INPP4B: variants seen among roughly 807,000 people sequenced by gnomAD.
INPP4B encodes the protein inositol polyphosphate 4-phosphatase type II.
INPP4B carries 55 observed loss-of-function variants against 122.5 expected under a neutral mutation model. That is an observed-to-expected ratio of 0.45 (90% CI 0.36 to 0.56). The LOEUF is 0.56. Among genes scored for constraint, INPP4B ranks in the 20% least tolerant of loss-of-function variants. The pLI is 0.00. For synonymous variants in INPP4B, 403 were observed against 388.7 expected (o/e 1.04, Z -0.43); for missense variants, 1,000 against 1,097.7 (o/e 0.91, Z 1.26).
intron 1 of INPP4B, among the ~76,000 whole-genome samples, chr4:142,818,409 G>GT (rs1215780717): frequency 6.6e-6 from 1 of 151,588 alleles, no homozygotes; most frequent in Non-Finnish European, 1.5e-5. Flanking sequence ...TCCAGGGCTT[G>GT]TTTTTTCTAC....
At chr4:142,131,119 T>C (rs2152787705) in intron 18 of INPP4B, among the ~76,000 whole-genome samples, 1 of 152,350 alleles carries the variant, frequency 6.6e-6, no homozygotes, top group Non-Finnish European at 1.5e-5. Context: ...CCACATTCAC[T>C]GGGCTTATTT....
chr4:142,146,769 C>T (rs1431447708), intron 17 of INPP4B, among the ~76,000 whole-genome samples: 1 of 152,070 alleles, frequency 6.6e-6, no homozygotes, highest in Non-Finnish European at 1.5e-5. Flanking sequence ...TACTTCTGAC[C>T]ATACTGTCTT....
intron 12 of INPP4B, among the ~76,000 whole-genome samples, chr4:142,209,791 TC>T (rs1844116987): frequency 2.9e-4 from 2 of 6,852 alleles, no homozygotes; most frequent in Non-Finnish European, 4.0e-4. Context: ...AGACCCCGTC[TC>T]AAAAAAAAAA....
At chr4:142,588,418 T>A (rs10017037) in intron 2 of INPP4B, among the ~76,000 whole-genome samples, 2,145 of 151,820 alleles carry the variant, frequency 0.014, 40 homozygotes, top group African/African-American at 0.041. Flanking sequence ...AAGAACTAAT[T>A]ACAAGAACAA....
At chr4:142,498,815 C>T (rs1421201985) in intron 2 of INPP4B, among the ~76,000 whole-genome samples, 3 of 151,648 alleles carry the variant, frequency 2.0e-5, no homozygotes, top group Non-Finnish European at 4.4e-5. Flanking sequence ...TAAAATGTGT[C>T]TTATACTGGC....
At chr4:142,175,623 GA>G (rs5862575) in intron 15 of INPP4B, among the ~76,000 whole-genome samples, 8 of 150,004 alleles carry the variant, frequency 5.3e-5, no homozygotes, top group African/African-American at 2.0e-4. Context: ...TAAAGTAAAT[GA>G]AAAAAAAAAT....
chr4:142,814,199 C>G (rs1388208407), intron 1 of INPP4B, among the ~76,000 whole-genome samples: 1 of 152,134 alleles, frequency 6.6e-6, no homozygotes, highest in Admixed American at 6.6e-5. Context: ...CATGCATCCT[C>G]TCTAGAGGAG....
intron 11 of INPP4B, among the ~76,000 whole-genome samples, chr4:142,251,901 T>C (rs889180561): frequency 1.3e-5 from 2 of 152,208 alleles, no homozygotes; most frequent in African/African-American, 4.8e-5. Context: ...TGCTTAAATG[T>C]ACAACATGGC....
At chr4:142,541,638 G>T (rs1317907543) in intron 2 of INPP4B, among the ~76,000 whole-genome samples, 1 of 152,042 alleles carries the variant, frequency 6.6e-6, no homozygotes, top group Non-Finnish European at 1.5e-5. Context: ...TTTCTTCTTT[G>T]CCAGTGAGTA....
chr4:142,509,336 G>A lies in INPP4B; in HGVS notation c.-190-46610C>T, dbSNP rs981126940. Among the ~76,000 whole-genome samples the A allele has an allele frequency of 5.3e-5, 8 of 152,142 alleles. No individual in the cohort carries two copies. In the East Asian group the frequency reaches 7.7e-4, roughly 15 times the overall value. ...GGTGGTTTGCTGCACCCATCAACCCGTCATCTACATAGGTATTTCTCCTAA... is the reference window on the plus strand; with the variant it reads ...GGTGGTTTGCTGCACCCATCAACCCATCATCTACATAGGTATTTCTCCTAA... On this transcript the variant is annotated intron_variant, in intron 2 of 25. Transcript: ENST00000262992.
intron 2 of INPP4B, among the ~76,000 whole-genome samples, chr4:142,586,115 GC>G (rs1461893010): frequency 6.6e-6 from 1 of 152,002 alleles, no homozygotes; most frequent in Admixed American, 6.6e-5. Context: ...TTGGAGACCA[GC>G]CTGGGCAACA....
At chr4:142,509,309 A>G (rs1376165489) in intron 2 of INPP4B, among the ~76,000 whole-genome samples, 1 of 152,156 alleles carries the variant, frequency 6.6e-6, no homozygotes, top group Non-Finnish European at 1.5e-5. Flanking sequence ...TACATGTGCT[A>G]TGGTGGTTTG....
chr4:142,725,970 G>A (rs1256393313), intron 1 of INPP4B, 69 bp from the exon 2 acceptor site: 1 of 395,798 alleles, frequency 2.5e-6, no homozygotes, highest in Non-Finnish European at 4.5e-6. Context: ...GCTTCTTAAA[G>A]AAGATTCATT....
intron 5 of INPP4B, among the ~76,000 whole-genome samples, chr4:142,424,154 CTTAG>C (rs1442118094): frequency 1.3e-5 from 2 of 151,938 alleles, no homozygotes; most frequent in East Asian, 1.9e-4. Flanking sequence ...GTCAGTCTTC[CTTAG>C]TTAGCCTCAG....
In INPP4B at chr4:142,816,239, A is replaced by T. The variant is rs1231119583; in HGVS notation, c.-254+29970T>A. On this transcript the variant is annotated intron_variant, in intron 1 of 25. Transcript: ENST00000262992. The stretch of plus-strand genomic sequence containing the variant: ...CTTCATTTTTAGGGTTGTAAGATTT[A>T]GAGAAGAAGATATTTCTCAGAATAA... 5.9e-5 allele frequency among the ~76,000 whole-genome samples: 9 copies of T among 152,316 alleles called. 1 individual carries two copies. The East Asian group carries it at 1.5e-3, about 26-fold the overall frequency.
chr4:142,731,466 A>G (rs974706776), intron 1 of INPP4B, among the ~76,000 whole-genome samples: 6 of 152,226 alleles, frequency 3.9e-5, no homozygotes, highest in African/African-American at 1.4e-4. Context: ...GGATCCATAT[A>G]GCAAGACAAT....
chr4:142,642,096 C>A (rs532832657), intron 2 of INPP4B, among the ~76,000 whole-genome samples: 3 of 152,096 alleles, frequency 2.0e-5, no homozygotes, highest in Non-Finnish European at 4.4e-5. Flanking sequence ...TATCCTTCGC[C>A]CACTTGTTGA....
chr4:142,607,798 CA>C (rs1741595391), intron 2 of INPP4B, among the ~76,000 whole-genome samples: 1 of 152,054 alleles, frequency 6.6e-6, no homozygotes, highest in Non-Finnish European at 1.5e-5. Flanking sequence ...CTTCCAGGAT[CA>C]AGAGAGTTGA....
At chr4:142,738,401 T>A (rs986239214) in intron 1 of INPP4B, among the ~76,000 whole-genome samples, 1 of 151,944 alleles carries the variant, frequency 6.6e-6, no homozygotes, top group Non-Finnish European at 1.5e-5. Context: ...TAGGTGGGAA[T>A]TGAACAATGA....
Sources: allele counts gnomAD v4.1 joint callset (sites outside exome capture counted in the v4.1 genomes callset), GRCh38; gene constraint gnomAD v4.1.1; transcripts MANE v1.5; gene names NCBI Gene and HGNC (gene_info 2026-07-23, HGNC 2026-07-21).